The following TMED10 variants were observed in gnomAD, a reference collection of about 807,000 sequenced individuals.
The protein encoded by TMED10 is transmembrane emp24 domain-containing protein 10.
In TMED10, 7 loss-of-function variants were observed where a neutral mutation model predicts 23.1. The observed-to-expected ratio is 0.30, with a 90% confidence interval of 0.17 to 0.57. The LOEUF is 0.57. Ranked by LOEUF, TMED10 falls within the 20% of genes least tolerant of loss-of-function variation. The pLI, the probability that TMED10 is intolerant of heterozygous loss-of-function variation, is 0.91. For missense variants in TMED10, 162 were observed against 274.8 expected, an observed-to-expected ratio of 0.59 and a Z score of 2.90; for synonymous variants, 113 against 106.9, an observed-to-expected ratio of 1.06 and a Z score of -0.35.
chr14:75,170,095 C>T (rs1896213246), intron 1 of TMED10, among the ~76,000 whole-genome samples: 2 of 151,476 alleles, frequency 1.3e-5, no homozygotes, highest in South Asian at 4.2e-4. Context: ...GGCGTGGTGG[C>T]GGGCGCCTGT....
chr14:75,144,536 T>C (rs1895859672), intron 3 of TMED10, among the ~76,000 whole-genome samples: 1 of 152,200 alleles, frequency 6.6e-6, no homozygotes, highest in South Asian at 2.1e-4. Context: ...GATTAATTAA[T>C]AACAATTTAG....
In TMED10 at chr14:75,150,592, G is replaced by A. The variant is rs1453611357; in HGVS notation, c.337+1440C>T. On this transcript the variant is annotated intron_variant, in intron 2 of 4. Transcript: ENST00000303575. ...TGTTTAGATACACAAATAGCATTGT[G>A]TTCTAACTGCCTACAGTATTCAGTA... 4.6e-5 allele frequency among the ~76,000 whole-genome samples: 7 copies of A among 152,182 alleles called. No individual in the cohort carries two copies. In the East Asian group the frequency reaches 5.8e-4, roughly 13 times the overall value.
At chr14:75,153,778 T>C (rs905122845) in intron 1 of TMED10, among the ~76,000 whole-genome samples, 1 of 49,618 alleles carries the variant, frequency 2.0e-5, no homozygotes, top group African/African-American at 5.3e-5. Flanking sequence ...TTTTTTTCCC[T>C]TTTTTTTTTT....
intron 1 of TMED10, among the ~76,000 whole-genome samples, chr14:75,165,885 G>C (rs1385493877): frequency 6.6e-6 from 1 of 151,854 alleles, no homozygotes; most frequent in African/African-American, 2.4e-5. Flanking sequence ...AAATTTCCAG[G>C]CACTGGCATG....
chr14:75,135,990 A>G (rs1403252381), intron 3 of TMED10, 104 bp from the exon 4 acceptor site: 1 of 1,468,476 alleles, frequency 6.8e-7, no homozygotes, highest in African/African-American at 1.4e-5. Context: ...CCAGATTTAA[A>G]TTCTCTCCTA....
chr14:75,164,548 TATATATATATATATATATATATATATATA>T lies in TMED10; in HGVS notation c.225+11778_225+11806del, dbSNP rs1566675108. Among the ~76,000 whole-genome samples the T allele has an allele frequency of 8.9e-3, 378 of 42,506 alleles. 12 individuals carry two copies. The highest frequency in any genetic ancestry group is 0.014 in the South Asian group (17 of 1,254). 27.9% of individuals were successfully genotyped at this position (42,506 alleles called of 152,430 possible). On this transcript the variant is annotated intron_variant, in intron 1 of 4. Coordinates refer to ENST00000303575, the MANE Select transcript of TMED10 (RefSeq NM_006827.6). Reference sequence around the variant, plus strand: ...ACCTGGCCTAATATATATATATATATATATATATATATATATATATATATATATATTTTTTTTTTTTTTTTTGTATTTTT... The same window carrying T: ...ACCTGGCCTAATATATATATATATATTTTTTTTTTTTTTTTTTGTATTTTT...
At chr14:75,137,015 CT>C (rs778501589) in intron 3 of TMED10, 423 of 138,816 alleles carry the variant, frequency 3.0e-3, no homozygotes, top group Middle Eastern at 3.7e-3. Flanking sequence ...CTTTCCAGAT[CT>C]TTTTTTTTTT....
chr14:75,157,218 A>G (rs1896030521), intron 1 of TMED10, among the ~76,000 whole-genome samples: 1 of 152,370 alleles, frequency 6.6e-6, no homozygotes, highest in African/African-American at 2.4e-5. Context: ...GTTTGGAAAG[A>G]TAAAAGGGTT....
At chr14:75,168,439 CAT>C (rs1896190715) in intron 1 of TMED10, among the ~76,000 whole-genome samples, 1 of 152,144 alleles carries the variant, frequency 6.6e-6, no homozygotes, top group South Asian at 2.1e-4. Context: ...ATTTCAATGA[CAT>C]ATAGCATGAG....
chr14:75,152,181 ACACT>A, intron 1 of TMED10, 38 bp from the exon 2 acceptor site: 1 of 1,529,860 alleles, frequency 6.5e-7, no homozygotes, highest in South Asian at 1.1e-5. Context: ...GCAGCAAATA[ACACT>A]CAGGAAGAGA....
At chr14:75,142,559 C>A (rs1383176214) in intron 3 of TMED10, among the ~76,000 whole-genome samples, 1 of 152,216 alleles carries the variant, frequency 6.6e-6, no homozygotes, top group Admixed American at 6.5e-5. Flanking sequence ...TGAAGCCCTA[C>A]AACACATACT....
At chr14:75,176,227 G>T in intron 1 of TMED10, 128 bp downstream of exon 1, 1 of 1,194,700 alleles carries the variant, frequency 8.4e-7, no homozygotes, top group Non-Finnish European at 1.2e-6. Flanking sequence ...TCCACCGCAC[G>T]TCCTTTGCGC....
chr14:75,172,472 A>AT (rs1016361240), intron 1 of TMED10, among the ~76,000 whole-genome samples: 1 of 151,432 alleles, frequency 6.6e-6, no homozygotes, highest in Non-Finnish European at 1.5e-5. Context: ...CGCCCAGCTA[A>AT]TTTTTTTTTA....
At chr14:75,168,040 T>A in intron 1 of TMED10, among the ~76,000 whole-genome samples, 1 of 152,092 alleles carries the variant, frequency 6.6e-6, no homozygotes, top group African/African-American at 2.4e-5. Context: ...ATAGACTCAG[T>A]TTGGAGATCT....
intron 1 of TMED10, among the ~76,000 whole-genome samples, chr14:75,172,970 T>C (rs988908848): frequency 4.6e-5 from 7 of 152,272 alleles, no homozygotes; most frequent in Admixed American, 4.6e-4. Flanking sequence ...GTGAGGACAA[T>C]GAGATCCATG....
rs188096894 is a variant in TMED10, at chr14:75,176,387, C to T, written c.193G>A (p.Gly65Arg). 1.5e-5 allele frequency: 24 copies of T among 1,614,240 alleles called. No individual in the cohort carries two copies. The highest frequency in any genetic ancestry group is 1.7e-5 in the Non-Finnish European group (20 of 1,180,040). ...TGGCTGCGCAGGCCGCCAGCGCCCCCAGACTGGTCGGAGATCTCGTACGCG... is the reference window on the plus strand; with the variant it reads ...TGGCTGCGCAGGCCGCCAGCGCCCCTAGACTGGTCGGAGATCTCGTACGCG... ...TGAYEISDQSGGAGGLRSHLK... is the reference protein window; with the variant it reads ...TGAYEISDQSRGAGGLRSHLK... Residue 65 changes from glycine to arginine, a missense_variant, in exon 1 of 5, where the codon GGG (glycine) becomes AGG (arginine). Gly to Arg is a moderately radical substitution (Grantham distance 125). Around this residue, in one of 2 missense-constraint regions of TMED10, gnomAD observed 126 missense variants for 239.5 expected, o/e 0.53. Coordinates refer to ENST00000303575, the MANE Select transcript of TMED10 (RefSeq NM_006827.6).
At chr14:75,139,635 CAAAA>C (rs34813747) in intron 3 of TMED10, among the ~76,000 whole-genome samples, 1 of 109,302 alleles carries the variant, frequency 9.1e-6, no homozygotes, top group African/African-American at 3.8e-5. Flanking sequence ...GACTCCGACT[CAAAA>C]AAAAAAAAAA....
At chr14:75,160,257 A>AAAAAC (rs1342907787) in intron 1 of TMED10, among the ~76,000 whole-genome samples, 3 of 152,200 alleles carry the variant, frequency 2.0e-5, no homozygotes, top group South Asian at 2.1e-4. Context: ...AGTCTTAAAG[A>AAAAAC]AAAACAAAAC....
intron 1 of TMED10, among the ~76,000 whole-genome samples, chr14:75,154,771 C>G (rs1289107081): frequency 6.6e-6 from 1 of 152,076 alleles, no homozygotes; most frequent in African/African-American, 2.4e-5. Flanking sequence ...TCAAGCGATT[C>G]TCCTGCCCCA....
Sources: gnomAD v4.1 joint callset for allele counts (sites outside exome capture counted in the v4.1 genomes callset) on GRCh38, gnomAD v4.1.1 for gene constraint, gnomAD v4.1.1 regional missense constraint, MANE v1.5 for transcripts, NCBI Gene and HGNC (gene_info 2026-07-23, HGNC 2026-07-21) for gene names.